Variants in F3 observed in about 807,000 individuals in gnomAD.
F3 encodes the protein tissue factor.
Under a neutral mutation model 33.5 loss-of-function variants are expected in F3, and 18 were observed. The observed-to-expected ratio is 0.54, with a 90% CI of 0.37 to 0.80. F3 has a LOEUF of 0.80. Among genes scored for constraint, F3 ranks in the 30% least tolerant of loss-of-function variants. The pLI is 0.00. For synonymous variants in F3, 147 were observed against 140.7 expected (o/e 1.05, Z -0.32); for missense variants, 353 against 362.1 (o/e 0.97, Z 0.20).
intron 3 of F3, among the ~76,000 whole-genome samples, chr1:94,533,838 T>A (rs1220688484): frequency 6.6e-6 from 1 of 151,230 alleles, no homozygotes; most frequent in Non-Finnish European, 1.5e-5. Flanking sequence ...TCCTTCCTTC[T>A]TTCTTTTCTT....
chr1:94,536,004 G>A lies in F3; in HGVS notation c.373C>T (p.Leu125=). The stretch of plus-strand genomic sequence containing the variant: ...GTGAACTCTGGGGAGTTCTCATACA[G>A]AGGCTCCCCAGCAGAACCGGTGCTC... ...VESTGSAGEP[L]YENSPEFTPY... Residue 125 remains leucine (L), a synonymous_variant, in exon 3 of 6, where the codon CTG becomes TTG. Coordinates refer to ENST00000334047, the MANE Select transcript of F3 (RefSeq NM_001993.5). 1 of 1,614,134 alleles carries A rather than the reference G, an allele frequency of 6.2e-7. No individual in the cohort carries two copies. Among genetic ancestry groups the A allele is most frequent in the East Asian group, 2.2e-5 (1 of 44,866 alleles).
intron 2 of F3, among the ~76,000 whole-genome samples, chr1:94,539,813 G>T (rs1319303541): frequency 6.6e-6 from 1 of 152,198 alleles, no homozygotes; most frequent in Non-Finnish European, 1.5e-5. Flanking sequence ...AAAGATGAAT[G>T]AATCAAACAC....
intron 1 of F3, 109 bp downstream of exon 1, chr1:94,541,428 G>A (rs1651773977): frequency 9.4e-6 from 8 of 855,194 alleles, no homozygotes; most frequent in Middle Eastern, 3.9e-4. Context: ...AGGCGCGGGG[G>A]ACAACATGGG....
At chr1:94,534,130 G>A (rs1651522178) in intron 3 of F3, among the ~76,000 whole-genome samples, 1 of 152,118 alleles carries the variant, frequency 6.6e-6, no homozygotes, top group African/African-American at 2.4e-5. Flanking sequence ...GCATCCCAAA[G>A]TTCTGAGATT....
rs1217574729 is a variant in F3 at position 94,530,593 on chromosome 1, A to G, written c.755T>C (p.Ile252Thr). 3 of 1,613,858 alleles carry G rather than the reference A, an allele frequency of 1.9e-6. No homozygotes were observed. The highest frequency in any genetic ancestry group is 1.7e-5 in the Admixed American group (1 of 59,998). Reference protein sequence around the residue: ...MGQEKGEFREIFYIIGAVVFV... With the variant: ...MGQEKGEFRETFYIIGAVVFV... ...TACCACAGCTCCAATGATGTAGAATATTTCTGAAAAATAAAGGGCATCTAG... is the reference window on the plus strand; with the variant it reads ...TACCACAGCTCCAATGATGTAGAATGTTTCTGAAAAATAAAGGGCATCTAG... Residue 252 changes from isoleucine to threonine, a missense_variant, in exon 6 of 6, where the codon ATA (isoleucine) becomes ACA (threonine). By Grantham distance (89) the Ile-to-Thr change is moderately conservative. Coordinates refer to ENST00000334047, the MANE Select transcript of F3 (RefSeq NM_001993.5).
chr1:94,541,181 C>G (rs1423174492), intron 1 of F3: 1 of 250,466 alleles, frequency 4.0e-6, no homozygotes, highest in African/African-American at 2.2e-5. Context: ...GACGCAGGCA[C>G]AAGTCCTATC....
At position 94,530,586 on chromosome 1, in the gene F3, G is replaced by A. The variant is rs1651392567; in HGVS notation, c.762C>T (p.Tyr254=). ...QEKGEFREIF[Y]IIGAVVFVVI... ...CCACAAATACCACAGCTCCAATGATGTAGAATATTTCTGAAAAATAAAGGG... is the reference window on the plus strand; with the variant it reads ...CCACAAATACCACAGCTCCAATGATATAGAATATTTCTGAAAAATAAAGGG... Residue 254 remains tyrosine (Y), a synonymous_variant, in exon 6 of 6, where the codon TAC becomes TAT. Coordinates refer to ENST00000334047, the MANE Select transcript of F3 (RefSeq NM_001993.5). The A allele has an allele frequency of 1.9e-6, 3 of 1,614,044 alleles. No homozygotes were observed. Among genetic ancestry groups the A allele is most frequent in the Non-Finnish European group, 2.5e-6 (3 of 1,180,004 alleles).
At chr1:94,540,720 G>T (rs1213442916) in intron 1 of F3, 5 of 198,708 alleles carry the variant, frequency 2.5e-5, no homozygotes, top group Middle Eastern at 1.8e-3. Flanking sequence ...GGTTCAGCCC[G>T]CCAGGAAGGG....
chr1:94,541,694 G>T lies in F3; in HGVS notation c.-58C>A. 1 of 1,224,674 alleles carries T rather than the reference G, an allele frequency of 8.2e-7. No individual in the cohort carries two copies. Among genetic ancestry groups the T allele is most frequent in the Non-Finnish European group, 1.1e-6 (1 of 936,340 alleles). The allele number at this position is 1,224,674 out of a possible 1,614,324, so 75.9% of individuals were successfully genotyped here. A position where few individuals can be genotyped will look rare whatever the true frequency, so the allele number is the denominator to read the frequency against. On this transcript the variant is annotated 5_prime_UTR_variant, in exon 1 of 6. Coordinates refer to ENST00000334047, the MANE Select transcript of F3 (RefSeq NM_001993.5). ...CCGTGGCGCCCGTGGGGCTGGGGAG[G>T]TTGGGCTGAAGGCGCCCTGGGCCGG...
chr1:94,529,220 G>A lies in F3; in HGVS notation c.*1240C>T, dbSNP rs1651342431. ...AAGCGAAAAAGATACGTTGTTGTAA[G>A]CCACTGACAATTTTACAGTCATTTA... is the stretch of plus-strand genomic sequence containing the variant. On this transcript the variant is annotated 3_prime_UTR_variant, in exon 6 of 6. Coordinates refer to ENST00000334047, the MANE Select transcript of F3 (RefSeq NM_001993.5). 6.6e-6 allele frequency: 1 copy of A among 152,608 alleles called. No individual in the cohort carries two copies. The highest frequency in any genetic ancestry group is 2.4e-5 in the African/African-American group (1 of 41,440). 9.5% of individuals were successfully genotyped at this position (152,608 alleles called of 1,614,324 possible). A position where few individuals can be genotyped will look rare whatever the true frequency, so the allele number is the denominator to read the frequency against.
rs1429381849 is a variant in F3, at chr1:94,529,504, G to A, written c.*956C>T. On this transcript the variant is annotated 3_prime_UTR_variant, in exon 6 of 6. Transcript: ENST00000334047. ...CATAAACTCTGTAGTTTGTATAGTA[G>A]TCTTATAAAAATATAGTTAGCTCTC... The A allele has an allele frequency of 1.3e-5, 2 of 152,478 alleles. No individual in the cohort carries two copies. Among genetic ancestry groups the A allele is most frequent in the African/African-American group, 4.8e-5 (2 of 41,406 alleles). The allele number at this position is 152,478 out of a possible 1,614,324, so 9.4% of individuals were successfully genotyped here. A position where few individuals can be genotyped will look rare whatever the true frequency, so the allele number is the denominator to read the frequency against.
chr1:94,530,413 G>A lies in F3; in HGVS notation c.*47C>T, dbSNP rs375080109. On this transcript the variant is annotated 3_prime_UTR_variant, in exon 6 of 6. Coordinates refer to ENST00000334047, the MANE Select transcript of F3 (RefSeq NM_001993.5). ...GTATTCTATCCTCTTAAAAGTTCTCGGTCACAGTGCAATATAGCATTTGCA... is the reference window on the plus strand; with the variant it reads ...GTATTCTATCCTCTTAAAAGTTCTCAGTCACAGTGCAATATAGCATTTGCA... 49 of 1,606,316 alleles carry A rather than the reference G, an allele frequency of 3.1e-5. No homozygotes were observed. The South Asian group carries it at 3.7e-4, about 12-fold the overall frequency.
At chr1:94,533,020 G>C in intron 4 of F3, 70 bp downstream of exon 4, 1 of 1,463,762 alleles carries the variant, frequency 6.8e-7, no homozygotes, top group African/African-American at 1.4e-5. Flanking sequence ...AATTGGGGAA[G>C]AAATGGGTTG....
intron 4 of F3, 76 bp from the exon 5 acceptor site, chr1:94,532,556 TA>T: frequency 6.6e-7 from 1 of 1,525,388 alleles, no homozygotes; most frequent in South Asian, 1.2e-5. Context: ...ACTGTGGAAG[TA>T]AAAACCTAGG....
Position 94,540,203 on chromosome 1 carries a change from T to C in F3, c.212+54A>G, listed in dbSNP as rs780093442. 434 of 1,084,786 alleles carry C rather than the reference T, an allele frequency of 4.0e-4. 2 individuals are homozygous for C. Among genetic ancestry groups the C allele is most frequent in the Non-Finnish European group, 1.0e-4 (73 of 701,866 alleles). 67.2% of individuals were successfully genotyped at this position (1,084,786 alleles called of 1,614,324 possible). On this transcript the variant is annotated intron_variant, in intron 2 of 5. Coordinates refer to ENST00000334047, the MANE Select transcript of F3 (RefSeq NM_001993.5). The stretch of plus-strand genomic sequence containing the variant: ...GCTTTAAAGACATTCTTGTTCAGCA[T>C]AGGACAGTAGAAACATCAAAGACCT...
rs1287103086 is a variant in F3 at position 94,530,137 on chromosome 1, C to T, written c.*323G>A. On this transcript the variant is annotated 3_prime_UTR_variant, in exon 6 of 6. Coordinates refer to ENST00000334047, the MANE Select transcript of F3 (RefSeq NM_001993.5). The stretch of plus-strand genomic sequence containing the variant: ...CACCCAGGATTTTTTAAGACATTTT[C>T]CCATTTGTTTTTGCTTGGACGACCT... 1 of 170,602 alleles carries T rather than the reference C, an allele frequency of 5.9e-6. No individual in the cohort carries two copies. Among genetic ancestry groups the T allele is most frequent in the Admixed American group, 6.3e-5 (1 of 15,936 alleles). The allele number at this position is 170,602 out of a possible 1,614,324, so 10.6% of individuals were successfully genotyped here.
rs1171177725 is a variant in F3 at position 94,536,048 on chromosome 1, TAGG to T, written c.326_328del (p.Ser109del). 6.2e-7 allele frequency: 1 copy of T among 1,614,114 alleles called. No individual in the cohort carries two copies. ...GGTGCTCTCCACATTCCCTGCCGGG[TAGG>T]AGAAGACCCGTGCCAAGTACGTCTG... On this transcript the variant is annotated inframe_deletion, in exon 3 of 6. Coordinates refer to ENST00000334047, the MANE Select transcript of F3 (RefSeq NM_001993.5).
Position 94,532,405 on chromosome 1 carries a change from C to T in F3, c.667G>A (p.Ala223Thr). The change falls in exon 5 of 6, where the codon GCA becomes ACA. Residue 223 changes from alanine (A) to threonine (T), a missense_variant. Ala to Thr is a moderately conservative substitution (Grantham distance 58). Coordinates refer to ENST00000334047, the MANE Select transcript of F3 (RefSeq NM_001993.5). ...KGENYCFSVQ[A>T]VIPSRTVNRK... ...TTAACTGTTCGGGAGGGAATCACTG[C>T]TTGAACACTGAAACAGTAGTTTTCT... The T allele has an allele frequency of 6.2e-7, 1 of 1,614,168 alleles. No individual in the cohort carries two copies.
chr1:94,540,090 C>T (rs2021963), intron 2 of F3, among the ~76,000 whole-genome samples, 167 bp downstream of exon 2: 4,272 of 152,284 alleles, frequency 0.028, 168 homozygotes, highest in African/African-American at 0.077. Context: ...GGAAATGTTG[C>T]AGGCCTAATA....
Sources: allele counts gnomAD v4.1 joint callset (sites outside exome capture counted in the v4.1 genomes callset), GRCh38; gene constraint gnomAD v4.1.1; transcripts MANE v1.5; gene names NCBI Gene and HGNC (gene_info 2026-07-23, HGNC 2026-07-21).